MPHOSPH9: variants seen among roughly 807,000 people sequenced by gnomAD.
MPHOSPH9 encodes the protein M-phase phosphoprotein 9.
MPHOSPH9 carries 88 observed loss-of-function variants against 145.5 expected under a neutral mutation model. The observed-to-expected ratio is 0.60, with a 90% CI of 0.51 to 0.72. MPHOSPH9 has a LOEUF of 0.72. Among genes scored for constraint, MPHOSPH9 ranks in the 30% least tolerant of loss-of-function variants. The pLI, the probability that MPHOSPH9 is intolerant of heterozygous loss-of-function variation, is 0.00. For missense variants in MPHOSPH9, 1,238 were observed against 1,386.6 expected (o/e 0.89, Z 1.70); for synonymous variants, 435 against 486.2 (o/e 0.89, Z 1.39).
At chr12:123,220,364 G>T (rs1593229320) in intron 5 of MPHOSPH9, among the ~76,000 whole-genome samples, 1 of 152,012 alleles carries the variant, frequency 6.6e-6, no homozygotes, top group Middle Eastern at 3.4e-3. Flanking sequence ...TCAGGAGAGA[G>T]ACCAGCCTGG....
chr12:123,222,585 C>T (rs2047251885), intron 4 of MPHOSPH9, among the ~76,000 whole-genome samples: 1 of 151,940 alleles, frequency 6.6e-6, no homozygotes, highest in Non-Finnish European at 1.5e-5. Context: ...ACCTGGGAGG[C>T]GGAGTTTGCA....
intron 5 of MPHOSPH9, 67 bp from the exon 6 acceptor site, chr12:123,218,566 C>G (rs1809920855): frequency 6.6e-7 from 1 of 1,504,504 alleles, no homozygotes; most frequent in Admixed American, 1.8e-5. Flanking sequence ...TGCTGTGTCG[C>G]CCAGGCTGGA....
intron 1 of MPHOSPH9, among the ~76,000 whole-genome samples, chr12:123,242,164 T>G (rs2047950195): frequency 6.6e-6 from 1 of 152,132 alleles, no homozygotes; most frequent in Non-Finnish European, 1.5e-5. Flanking sequence ...CTTAACCAAG[T>G]TGGAAGGGAC....
Position 123,224,683 on chromosome 12 carries a change from C to G in MPHOSPH9, c.259-1556G>C, listed in dbSNP as rs2695475. Among the ~76,000 whole-genome samples the G allele has an allele frequency of 2.0e-3, 301 of 152,266 alleles. 1 individual carries two copies. Among genetic ancestry groups the G allele is most frequent in the African/African-American group, 7.0e-3 (291 of 41,556 alleles). ...ATTTAGTGGGCAGGGTCCAGGCATG[C>G]GGATCATAGGGCAGTCCCCCATGAT... On this transcript the variant is annotated intron_variant, in intron 3 of 23. Coordinates refer to ENST00000606320, the MANE Select transcript of MPHOSPH9 (RefSeq NM_022782.4).
At chr12:123,168,036 C>T (rs577585516) in intron 16 of MPHOSPH9, among the ~76,000 whole-genome samples, 2 of 152,166 alleles carry the variant, frequency 1.3e-5, no homozygotes, top group Non-Finnish European at 2.9e-5. Context: ...TTCTGCCTCC[C>T]GCCCTCAAGC....
chr12:123,185,486 G>A (rs2045401742), intron 13 of MPHOSPH9, among the ~76,000 whole-genome samples: 1 of 152,200 alleles, frequency 6.6e-6, no homozygotes, highest in Non-Finnish European at 1.5e-5. Flanking sequence ...GCTCATGCCT[G>A]TAATCCCAGC....
intron 13 of MPHOSPH9, 104 bp from the exon 14 acceptor site, chr12:123,181,314 A>C: frequency 1.1e-6 from 1 of 896,368 alleles, no homozygotes; most frequent in Non-Finnish European, 1.8e-6. Flanking sequence ...AAAAATGCCA[A>C]TGTCATGAAA....
intron 13 of MPHOSPH9, among the ~76,000 whole-genome samples, chr12:123,184,393 G>A (rs574645410): frequency 2.2e-4 from 33 of 152,072 alleles, no homozygotes; most frequent in Non-Finnish European, 4.4e-4. Flanking sequence ...AATGGCTGGT[G>A]CATGACTCTA....
chr12:123,166,971 G>C (rs1565901455), intron 16 of MPHOSPH9, among the ~76,000 whole-genome samples, 182 bp from the exon 17 acceptor site: 1 of 152,198 alleles, frequency 6.6e-6, no homozygotes, highest in Non-Finnish European at 1.5e-5. Flanking sequence ...CAACTTAACT[G>C]TTGTTCTAGG....
chr12:123,173,170 C>A (rs1447423802), intron 16 of MPHOSPH9, among the ~76,000 whole-genome samples: 1 of 152,136 alleles, frequency 6.6e-6, no homozygotes, highest in Non-Finnish European at 1.5e-5. Flanking sequence ...GCCACCACGC[C>A]CAGCCTGCAT....
intron 22 of MPHOSPH9, 132 bp downstream of exon 22, chr12:123,161,004 G>C: frequency 7.4e-7 from 1 of 1,348,616 alleles, no homozygotes. Flanking sequence ...GCTCAAATCC[G>C]TTGCTAGCAC....
chr12:123,242,142 G>T (rs2047949725), intron 1 of MPHOSPH9, among the ~76,000 whole-genome samples: 1 of 152,184 alleles, frequency 6.6e-6, no homozygotes, highest in African/African-American at 2.4e-5. Flanking sequence ...CCTTAGACCT[G>T]TTATCTCTGA....
At chr12:123,232,633 T>G (rs1052918255) in intron 1 of MPHOSPH9, among the ~76,000 whole-genome samples, 3 of 152,030 alleles carry the variant, frequency 2.0e-5, no homozygotes, top group Non-Finnish European at 2.9e-5. Context: ...CAGCCCGCAA[T>G]GGCTGGTGGC....
At chr12:123,192,967 G>A (rs2045757106) in intron 13 of MPHOSPH9, among the ~76,000 whole-genome samples, 1 of 149,886 alleles carries the variant, frequency 6.7e-6, no homozygotes, top group African/African-American at 2.5e-5. Flanking sequence ...AGCTACTCAG[G>A]AGGCTGAGGC....
intron 1 of MPHOSPH9, among the ~76,000 whole-genome samples, chr12:123,243,576 G>A (rs1238329188): frequency 6.7e-6 from 1 of 148,842 alleles, no homozygotes; most frequent in African/African-American, 2.5e-5. Context: ...GTGGTGGCAC[G>A]TGCCTGTAGT....
rs146394488 is a variant in MPHOSPH9 at position 123,208,924 on chromosome 12, C to T, written c.1194+1132G>A. 2.0e-5 allele frequency among the ~76,000 whole-genome samples: 3 copies of T among 152,068 alleles called. No individual in the cohort carries two copies. In the East Asian group the frequency reaches 5.8e-4, roughly 29 times the overall value. ...TTTTTTAAAAGTGGAATTTTTAATT[C>T]CACTTTTTTCTGTTGTTGTTTTTGC... On this transcript the variant is annotated intron_variant, in intron 8 of 23. Transcript: ENST00000606320.
upstream of MPHOSPH9, among the ~76,000 whole-genome samples, chr12:123,237,827 T>C (rs1156700670): frequency 6.6e-6 from 1 of 152,122 alleles, no homozygotes; most frequent in Non-Finnish European, 1.5e-5. Flanking sequence ...GAGGATGAGC[T>C]AACAGGAGGA....
chr12:123,239,994 G>C (rs1328979686), intron 1 of MPHOSPH9, among the ~76,000 whole-genome samples: 1 of 152,080 alleles, frequency 6.6e-6, no homozygotes, highest in Non-Finnish European at 1.5e-5. Flanking sequence ...CAGCATCCTT[G>C]TTTAAAGCAC....
At chr12:123,173,425 G>C (rs969503866) in intron 16 of MPHOSPH9, among the ~76,000 whole-genome samples, 1 of 152,090 alleles carries the variant, frequency 6.6e-6, no homozygotes, top group African/African-American at 2.4e-5. Flanking sequence ...ACCTTACCAG[G>C]GTAGGACTCT....
Sources: gnomAD v4.1 joint callset for allele counts (sites outside exome capture counted in the v4.1 genomes callset) on GRCh38, gnomAD v4.1.1 for gene constraint, MANE v1.5 for transcripts, NCBI Gene and HGNC (gene_info 2026-07-23, HGNC 2026-07-21) for gene names.